The following NRDE2 variants were observed in gnomAD, a reference collection of about 807,000 sequenced individuals.
NRDE2 encodes NRDE-2, necessary for RNA interference, domain containing.
In NRDE2, 76 loss-of-function variants were observed where a neutral mutation model predicts 124.2. The observed-to-expected ratio is 0.61, with a 90% CI of 0.51 to 0.74. The LOEUF is 0.74. NRDE2 is among the 30% of genes least tolerant of loss of function. The probability of loss-of-function intolerance (pLI) is 0.00; values close to 1 mark genes in which losing one functional copy is unlikely to be tolerated. For synonymous variants in NRDE2, 489 were observed against 528.1 expected (o/e 0.93, Z 1.01); for missense variants, 1,314 against 1,417.3 (o/e 0.93, Z 1.17).
chr14:90,292,936 CCTG>C (rs1440439221), intron 8 of NRDE2, 64 bp from the exon 9 acceptor site: 1 of 1,501,654 alleles, frequency 6.7e-7, no homozygotes, highest in Non-Finnish European at 9.2e-7. Flanking sequence ...ACTCAATCAG[CCTG>C]CTATGTCAGG....
chr14:90,289,577 T>C (rs1411868553), intron 10 of NRDE2, among the ~76,000 whole-genome samples: 1 of 152,168 alleles, frequency 6.6e-6, no homozygotes, highest in Non-Finnish European at 1.5e-5. Context: ...GGGTAAGTAT[T>C]ATCAGTAGCT....
rs1394056599 is a variant in NRDE2, at chr14:90,273,579, TAAAA to T, written c.*4753_*4756del. 2 of 152,216 alleles carry T rather than the reference TAAAA, an allele frequency of 1.3e-5. No individual in the cohort carries two copies. Among genetic ancestry groups the T allele is most frequent in the African/African-American group, 4.8e-5 (2 of 41,520 alleles). 9.4% of individuals were successfully genotyped at this position (152,216 alleles called of 1,614,324 possible). ...TCTCAAAAATAAATAAATAAATAAA[TAAAA>T]ACCACAATTTTATCTCAGTTCTGTA... On this transcript the variant is annotated 3_prime_UTR_variant, in exon 14 of 14. Coordinates refer to ENST00000354366, the MANE Select transcript of NRDE2 (RefSeq NM_017970.4).
At chr14:90,311,988 T>C (rs1884858213) in intron 4 of NRDE2, among the ~76,000 whole-genome samples, 1 of 152,206 alleles carries the variant, frequency 6.6e-6, no homozygotes, top group Admixed American at 6.5e-5. Context: ...TCCTTACCAC[T>C]AAATGTCATT....
chr14:90,293,640 T>C (rs1016034353), intron 8 of NRDE2, among the ~76,000 whole-genome samples: 4 of 152,242 alleles, frequency 2.6e-5, no homozygotes, highest in Admixed American at 6.5e-5. Flanking sequence ...TAAATGACAT[T>C]TGATGATGGC....
At chr14:90,292,560 G>GAA in intron 9 of NRDE2, 137 bp downstream of exon 9, 1 of 845,400 alleles carries the variant, frequency 1.2e-6, no homozygotes, top group Non-Finnish European at 1.8e-6. Context: ...GAGAACAGGA[G>GAA]CAGGTTAGCA....
chr14:90,309,556 A>T (rs1480617918), intron 4 of NRDE2, among the ~76,000 whole-genome samples: 1 of 151,474 alleles, frequency 6.6e-6, no homozygotes, highest in Non-Finnish European at 1.5e-5. Context: ...GCACTTTCCT[A>T]TCTCCCTCAC....
At chr14:90,298,238 T>C (rs112127217) in intron 8 of NRDE2, 22 bp downstream of exon 8, 1 of 1,611,554 alleles carries the variant, frequency 6.2e-7, no homozygotes, top group Non-Finnish European at 8.5e-7. Flanking sequence ...GAAGTACACG[T>C]CTTCAATGAG....
At position 90,270,556 on chromosome 14, in the gene NRDE2, C is replaced by T. The variant is rs114914858; in HGVS notation, c.*7780G>A. 3,193 of 544,056 alleles carry T rather than the reference C, an allele frequency of 5.9e-3. 9 individuals are homozygous for T. Among genetic ancestry groups the T allele is most frequent in the Middle Eastern group, 0.021 (42 of 2,002 alleles). The allele number at this position is 544,056 out of a possible 1,614,324, so 33.7% of individuals were successfully genotyped here. On this transcript the variant is annotated 3_prime_UTR_variant, in exon 14 of 14. Coordinates refer to ENST00000354366, the MANE Select transcript of NRDE2 (RefSeq NM_017970.4). Reference sequence around the variant, plus strand: ...ATGCATCATTTTATGCAGTGAATGACGCTAAATCACCTGGAGCCACAAGGC... The same window carrying T: ...ATGCATCATTTTATGCAGTGAATGATGCTAAATCACCTGGAGCCACAAGGC...
In NRDE2 at chr14:90,304,149, G is replaced by A. The variant is rs1208294496; in HGVS notation, c.791C>T (p.Pro264Leu). 1.2e-5 allele frequency: 20 copies of A among 1,614,214 alleles called. No homozygotes were observed. The highest frequency in any genetic ancestry group is 1.7e-5 in the Non-Finnish European group (20 of 1,180,044). Residue 264 changes from proline (P) to leucine (L), a missense_variant, in exon 5 of 14, where the codon CCT becomes CTT. Coordinates refer to ENST00000354366, the MANE Select transcript of NRDE2 (RefSeq NM_017970.4). ...CAGAGGATTCAACCAGGTTGTAACAGGAGCCGCATCTTCCAAGTCCTTCAC... is the reference window on the plus strand; with the variant it reads ...CAGAGGATTCAACCAGGTTGTAACAAGAGCCGCATCTTCCAAGTCCTTCAC... Reference protein sequence around the residue: ...IPVKDLEDAAPVTTWLNPLGI... With the variant: ...IPVKDLEDAALVTTWLNPLGI...
intron 1 of NRDE2, among the ~76,000 whole-genome samples, chr14:90,330,346 G>A (rs975490386): frequency 6.6e-6 from 1 of 152,050 alleles, no homozygotes; most frequent in Non-Finnish European, 1.5e-5. Flanking sequence ...TAATTATTAA[G>A]TAACTACTAT....
At chr14:90,313,447 G>C (rs1041376064) in intron 3 of NRDE2, among the ~76,000 whole-genome samples, 23 of 152,036 alleles carry the variant, frequency 1.5e-4, no homozygotes, top group Non-Finnish European at 1.8e-4. Context: ...TTATGGTCTG[G>C]ACTCTGTATT....
Position 90,279,429 on chromosome 14 carries a change from TG to T in NRDE2, c.3298-297del, listed in dbSNP as rs1378727803. On this transcript the variant is annotated intron_variant, in intron 12 of 13. Coordinates refer to ENST00000354366, the MANE Select transcript of NRDE2 (RefSeq NM_017970.4). Reference sequence around the variant, plus strand: ...CTCCTTTGCTGTAGGCTGTCACCTCTGGGTGTTAGTAACAGTGCTTGAAACC... The same window carrying T: ...CTCCTTTGCTGTAGGCTGTCACCTCTGGTGTTAGTAACAGTGCTTGAAACC... 36 of 312,010 alleles carry T rather than the reference TG, an allele frequency of 1.2e-4. No homozygotes were observed. In the Admixed American group the frequency reaches 1.7e-3, roughly 15 times the overall value. The allele number at this position is 312,010 out of a possible 1,614,324, so 19.3% of individuals were successfully genotyped here. A position where few individuals can be genotyped will look rare whatever the true frequency, so the allele number is the denominator to read the frequency against.
At position 90,270,534 on chromosome 14, in the gene NRDE2, C is replaced by T. The variant is rs1239347444; in HGVS notation, c.*7802G>A. On this transcript the variant is annotated 3_prime_UTR_variant, in exon 14 of 14. Transcript: ENST00000354366. ...CTTGATATTGAAGTCATTCTTAATG[C>T]ATCATTTTATGCAGTGAATGACGCT... is the stretch of plus-strand genomic sequence containing the variant. 9.1e-6 allele frequency: 6 copies of T among 656,270 alleles called. No homozygotes were observed. Among genetic ancestry groups the T allele is most frequent in the African/African-American group, 1.8e-5 (1 of 54,700 alleles). 40.7% of individuals were successfully genotyped at this position (656,270 alleles called of 1,614,324 possible). A position where few individuals can be genotyped will look rare whatever the true frequency, so the allele number is the denominator to read the frequency against.
intron 3 of NRDE2, among the ~76,000 whole-genome samples, chr14:90,313,458 C>T (rs905532100): frequency 6.6e-6 from 1 of 152,050 alleles, no homozygotes; most frequent in African/African-American, 2.4e-5. Flanking sequence ...ACTCTGTATT[C>T]GCTGTTTTGC....
At chr14:90,307,965 C>G (rs988188673) in intron 4 of NRDE2, among the ~76,000 whole-genome samples, 2 of 152,166 alleles carry the variant, frequency 1.3e-5, no homozygotes, top group Non-Finnish European at 2.9e-5. Context: ...TCAGCCTTGT[C>G]TTGAACCCCT....
chr14:90,288,740 C>T lies in NRDE2; in HGVS notation c.2635G>A (p.Glu879Lys). Reference sequence around the variant, plus strand: ...CCCAAACAGTCCTGCAGTGCGTGCTCATAAGCCTTTCGCGCTTTCAAAATG... The same window carrying T: ...CCCAAACAGTCCTGCAGTGCGTGCTTATAAGCCTTTCGCGCTTTCAAAATG... ...VHILKARKAYEHALQDCLGDS... is the reference protein window; with the variant it reads ...VHILKARKAYKHALQDCLGDS... The change falls in exon 11 of 14, where the codon GAG becomes AAG. Residue 879 changes from glutamate to lysine, a missense_variant. Coordinates refer to ENST00000354366, the MANE Select transcript of NRDE2 (RefSeq NM_017970.4). 1 of 1,614,138 alleles carries T rather than the reference C, an allele frequency of 6.2e-7. No homozygotes were observed. Among genetic ancestry groups the T allele is most frequent in the Non-Finnish European group, 8.5e-7 (1 of 1,180,018 alleles).
At chr14:90,286,230 G>T in intron 12 of NRDE2, 124 bp downstream of exon 12, 1 of 1,058,844 alleles carries the variant, frequency 9.4e-7, no homozygotes, top group Non-Finnish European at 1.3e-6. Flanking sequence ...AAGAAGATGA[G>T]AGTGAAATAT....
At chr14:90,283,770 C>T (rs1438348336) in intron 12 of NRDE2, among the ~76,000 whole-genome samples, 1 of 149,236 alleles carries the variant, frequency 6.7e-6, no homozygotes, top group Non-Finnish European at 1.5e-5. Flanking sequence ...AGTACAGTGG[C>T]GCAATCTTGG....
intron 13 of NRDE2, 160 bp from the exon 14 acceptor site, chr14:90,278,621 T>A (rs1005286614): frequency 7.3e-6 from 6 of 819,138 alleles, no homozygotes; most frequent in African/African-American, 5.2e-5. Flanking sequence ...CGGGCAGCAC[T>A]GGGCATGTTC....
Sources: gnomAD v4.1 joint callset for allele counts (sites outside exome capture counted in the v4.1 genomes callset) on GRCh38, gnomAD v4.1.1 for gene constraint, MANE v1.5 for transcripts, NCBI Gene and HGNC (gene_info 2026-07-23, HGNC 2026-07-21) for gene names.